The following HTATIP2 variants were observed in gnomAD, a reference collection of about 807,000 sequenced individuals.
HTATIP2 encodes HIV-1 Tat interactive protein 2, also known as protein HTATIP2.
HTATIP2 carries 26 observed loss-of-function variants against 24.7 expected under a neutral mutation model. The observed-to-expected ratio is 1.05, with a 90% confidence interval of 0.77 to 1.46. The LOEUF (loss-of-function observed/expected upper bound fraction) is 1.46. Among genes scored for constraint, HTATIP2 ranks in the 40% most tolerant of loss-of-function variants. HTATIP2 has a pLI of 0.00. For synonymous variants in HTATIP2, 99 were observed against 113.2 expected (o/e 0.87, Z 0.79); for missense variants, 284 against 289.6 (o/e 0.98, Z 0.14).
At chr11:20,380,671 C>CAAAAAAAAAAA (rs35392320) in intron 3 of HTATIP2, among the ~76,000 whole-genome samples, 1 of 81,880 alleles carries the variant, frequency 1.2e-5, no homozygotes, top group African/African-American at 4.8e-5. Context: ...GACTCCATCT[C>CAAAAAAAAAAA]AAAAAAAAAA....
intron 1 of HTATIP2, among the ~76,000 whole-genome samples, chr11:20,366,332 C>T (rs986860658): frequency 1.9e-4 from 29 of 151,774 alleles, no homozygotes; most frequent in Admixed American, 5.9e-4. Flanking sequence ...GTCTCGATCT[C>T]CTGACCTCGT....
chr11:20,365,335 C>T (rs1414510746), intron 1 of HTATIP2, among the ~76,000 whole-genome samples: 1 of 152,166 alleles, frequency 6.6e-6, no homozygotes, highest in Admixed American at 6.5e-5. Flanking sequence ...AGACTTCTGT[C>T]TTGTCATGAC....
At chr11:20,376,780 G>C (rs1848454027) in intron 3 of HTATIP2, 63 bp downstream of exon 3, 1 of 1,295,780 alleles carries the variant, frequency 7.7e-7, no homozygotes, top group Non-Finnish European at 1.1e-6. Flanking sequence ...CAGTACTAAA[G>C]AATATAAAAT....
intron 2 of HTATIP2, among the ~76,000 whole-genome samples, chr11:20,374,257 C>T (rs542361817): frequency 6.6e-5 from 10 of 152,278 alleles, no homozygotes; most frequent in African/African-American, 2.4e-4. Flanking sequence ...GATACACTTC[C>T]ATACAAAGTT....
Position 20,364,338 on chromosome 11 carries a change from T to C in HTATIP2, c.101T>C (p.Leu34Pro), listed in dbSNP as rs1310890573. The change falls in exon 1 of 5, where the codon CTC becomes CCC. Residue 34 changes from leucine to proline, a missense_variant. Leu to Pro is a moderately conservative substitution (Grantham distance 98, BLOSUM62 -3). Coordinates refer to ENST00000451739, the MANE Select transcript of HTATIP2 (RefSeq NM_001098522.2). Reference protein sequence around the residue: ...LGASGETGRVLLKEILEQGLF... With the variant: ...LGASGETGRVPLKEILEQGLF... Reference sequence around the variant, plus strand: ...GCCAGCGGAGAAACCGGCAGAGTGCTCTTAAAGGAAATCCTGGAGCAGGGC... The same window carrying C: ...GCCAGCGGAGAAACCGGCAGAGTGCCCTTAAAGGAAATCCTGGAGCAGGGC... The C allele has an allele frequency of 6.2e-7, 1 of 1,613,762 alleles. No homozygotes were observed. The highest frequency in any genetic ancestry group is 2.2e-5 in the East Asian group (1 of 44,864).
chr11:20,378,240 T>C (rs1406244041), intron 3 of HTATIP2, among the ~76,000 whole-genome samples: 1 of 152,146 alleles, frequency 6.6e-6, no homozygotes, highest in Non-Finnish European at 1.5e-5. Flanking sequence ...TGAAATTACA[T>C]GAAGAATGGA....
In HTATIP2 at chr11:20,364,199, C is replaced by T. The variant is rs767691558; in HGVS notation, c.-39C>T. 1.3e-6 allele frequency: 2 copies of T among 1,553,886 alleles called. No individual in the cohort carries two copies. Among genetic ancestry groups the T allele is most frequent in the Non-Finnish European group, 1.7e-6 (2 of 1,145,938 alleles). ...GGGATAAGGACTGGCAGTCCCCTGACACCCTAAGACCGGCATCTGTCGATG... is the reference window on the plus strand; with the variant it reads ...GGGATAAGGACTGGCAGTCCCCTGATACCCTAAGACCGGCATCTGTCGATG... On this transcript the variant is annotated 5_prime_UTR_variant, in exon 1 of 5. Transcript: ENST00000451739.
chr11:20,371,999 G>C (rs2064777097), intron 2 of HTATIP2, among the ~76,000 whole-genome samples: 1 of 152,150 alleles, frequency 6.6e-6, no homozygotes, highest in Admixed American at 6.6e-5. Context: ...TATAGGGTTG[G>C]ATTGAAAGGG....
intron 2 of HTATIP2, 37 bp downstream of exon 2, chr11:20,367,318 C>A (rs780156324): frequency 6.8e-6 from 11 of 1,613,264 alleles, no homozygotes; most frequent in Non-Finnish European, 8.5e-6. Flanking sequence ...TTTTTGCTGG[C>A]CAGTAATATC....
intron 3 of HTATIP2, among the ~76,000 whole-genome samples, chr11:20,377,730 C>A (rs1296383830): frequency 1.3e-5 from 2 of 152,170 alleles, no homozygotes; most frequent in Non-Finnish European, 2.9e-5. Context: ...TGGGTCAGAT[C>A]TACTTGTCCA....
At chr11:20,378,078 A>G (rs1373870099) in intron 3 of HTATIP2, among the ~76,000 whole-genome samples, 1 of 152,212 alleles carries the variant, frequency 6.6e-6, no homozygotes, top group Non-Finnish European at 1.5e-5. Flanking sequence ...GATTGTTACT[A>G]TTTTACCAAA....
chr11:20,367,134 T>C (rs1280528785), intron 1 of HTATIP2, 40 bp from the exon 2 acceptor site: 1 of 1,607,094 alleles, frequency 6.2e-7, no homozygotes, highest in Admixed American at 1.7e-5. Flanking sequence ...GTCTGTTGTT[T>C]AAATAACATG....
intron 2 of HTATIP2, among the ~76,000 whole-genome samples, chr11:20,375,540 C>T (rs1848432148): frequency 6.6e-6 from 1 of 152,166 alleles, no homozygotes. Context: ...CACTGCCCTC[C>T]AGCCTGGGCA....
At chr11:20,365,724 A>C (rs10766660) in intron 1 of HTATIP2, among the ~76,000 whole-genome samples, 141,755 of 152,064 alleles carry the variant, frequency 0.93, 66,215 homozygotes, top group South Asian at 0.99. Flanking sequence ...GTAATCCCAG[A>C]GCTTTGGGAG....
chr11:20,382,913 G>A (rs1848541799), intron 4 of HTATIP2, 67 bp from the exon 5 acceptor site: 1 of 1,173,512 alleles, frequency 8.5e-7, no homozygotes, highest in Non-Finnish European at 1.2e-6. Flanking sequence ...AATGCCCACT[G>A]TGGTCTCAGT....
intron 3 of HTATIP2, among the ~76,000 whole-genome samples, chr11:20,381,852 CTAAA>C (rs1848526047): frequency 6.6e-6 from 1 of 152,150 alleles, no homozygotes; most frequent in South Asian, 2.1e-4. Context: ...GAATTCTGGA[CTAAA>C]TAGAGGATAT....
chr11:20,375,306 T>C (rs1050552193), intron 2 of HTATIP2, among the ~76,000 whole-genome samples: 1 of 151,558 alleles, frequency 6.6e-6, no homozygotes, highest in Non-Finnish European at 1.5e-5. Flanking sequence ...GCGCGGTGGC[T>C]CACACCTGTA....
intron 1 of HTATIP2, among the ~76,000 whole-genome samples, chr11:20,366,657 C>T (rs2064710717): frequency 6.6e-6 from 1 of 151,960 alleles, no homozygotes; most frequent in South Asian, 2.1e-4. Context: ...TTATTAAGCA[C>T]TCCCTGACTA....
chr11:20,366,390 C>G (rs1046972431), intron 1 of HTATIP2, among the ~76,000 whole-genome samples: 23 of 151,968 alleles, frequency 1.5e-4, no homozygotes, highest in African/African-American at 5.5e-4. Context: ...ACAGTGAAAC[C>G]CTATTTTTCT....
Sources: allele counts gnomAD v4.1 joint callset (sites outside exome capture counted in the v4.1 genomes callset), GRCh38; gene constraint gnomAD v4.1.1; transcripts MANE v1.5; gene names NCBI Gene and HGNC (gene_info 2026-07-23, HGNC 2026-07-21).